The following PPM1H variants were observed in gnomAD, a reference collection of about 807,000 sequenced individuals.
The protein encoded by PPM1H is protein phosphatase, Mg2+/Mn2+ dependent 1H, also known as protein phosphatase 1H.
A neutral mutation model predicts 54.9 loss-of-function variants in PPM1H; 27 were observed. That is an observed-to-expected ratio of 0.49 (90% CI 0.36 to 0.68). The LOEUF (loss-of-function observed/expected upper bound fraction) is 0.68. Among genes scored for constraint, PPM1H ranks in the 30% least tolerant of loss-of-function variants. The pLI is 0.00. For synonymous variants in PPM1H, 305 were observed against 270.8 expected, an observed-to-expected ratio of 1.13 and a Z score of -1.24; for missense variants, 596 against 667.8, an observed-to-expected ratio of 0.89 and a Z score of 1.19.
intron 4 of PPM1H, among the ~76,000 whole-genome samples, chr12:62,784,556 C>T (rs1483895739): frequency 1.3e-5 from 2 of 152,200 alleles, no homozygotes; most frequent in African/African-American, 4.8e-5. Context: ...CAGCTAATAT[C>T]TAGCAATAAA....
At chr12:62,829,157 C>T (rs569048106) in intron 2 of PPM1H, among the ~76,000 whole-genome samples, 7 of 152,274 alleles carry the variant, frequency 4.6e-5, no homozygotes, top group South Asian at 2.1e-4. Context: ...CCTATGTTCA[C>T]GACAGCATTA....
chr12:62,658,906 C>A, intron 9 of PPM1H: 1 of 663,538 alleles, frequency 1.5e-6, no homozygotes, highest in South Asian at 1.4e-5. Flanking sequence ...ACCAATATGT[C>A]AAAATTAAGC....
chr12:62,832,335 T>C (rs1409983087), intron 1 of PPM1H, 56 bp from the exon 2 acceptor site: 1 of 1,527,184 alleles, frequency 6.5e-7, no homozygotes, highest in Non-Finnish European at 8.9e-7. Flanking sequence ...GAGGGCACAG[T>C]CCCTTGTCAA....
intron 3 of PPM1H, among the ~76,000 whole-genome samples, chr12:62,790,557 GCGAGACCCTGT>G (rs1438779382): frequency 6.6e-6 from 1 of 152,164 alleles, no homozygotes; most frequent in Non-Finnish European, 1.5e-5. Flanking sequence ...GGGTGACAGA[GCGAGACCCTGT>G]CTCAAAAACA....
chr12:62,662,525 A>G (rs1485610970), intron 9 of PPM1H, among the ~76,000 whole-genome samples: 1 of 152,216 alleles, frequency 6.6e-6, no homozygotes, highest in African/African-American at 2.4e-5. Flanking sequence ...AGTGCTTATT[A>G]TCTATTAGGC....
At chr12:62,659,353 T>C (rs190278998) in intron 9 of PPM1H, 1 of 442,528 alleles carries the variant, frequency 2.3e-6, no homozygotes, top group African/African-American at 2.0e-5. Context: ...AATTTTCTGG[T>C]TCCTTTGTTG....
chr12:62,816,854 C>T (rs1028486857), intron 2 of PPM1H, among the ~76,000 whole-genome samples: 1 of 151,596 alleles, frequency 6.6e-6, no homozygotes, highest in Non-Finnish European at 1.5e-5. Context: ...TCCATCTCAA[C>T]ATGATTTATT....
chr12:62,733,644 A>G (rs2076335494), intron 5 of PPM1H, among the ~76,000 whole-genome samples: 1 of 152,190 alleles, frequency 6.6e-6, no homozygotes, highest in African/African-American at 2.4e-5. Context: ...ATTTTATGCT[A>G]TGAATATTCT....
chr12:62,693,356 T>C lies in PPM1H; in HGVS notation c.1137+580A>G, dbSNP rs145620971. Among the ~76,000 whole-genome samples, 8 of 152,344 alleles carry C rather than the reference T, an allele frequency of 5.3e-5. No homozygotes were observed. In the East Asian group the frequency reaches 1.4e-3, roughly 26 times the overall value. On this transcript the variant is annotated intron_variant, in intron 7 of 9. Coordinates refer to ENST00000228705, the MANE Select transcript of PPM1H (RefSeq NM_020700.2). ...TTATCTTAGTCTGGACTCTGGTTGC[T>C]GTGACCTTATAGTCTAATTACAGTG...
intron 1 of PPM1H, among the ~76,000 whole-genome samples, chr12:62,869,988 C>T (rs529217080): frequency 6.6e-6 from 1 of 152,120 alleles, no homozygotes; most frequent in Non-Finnish European, 1.5e-5. Context: ...TTTAGATGCT[C>T]CCAGTACCCA....
At chr12:62,739,072 A>T (rs979100373) in intron 4 of PPM1H, among the ~76,000 whole-genome samples, 7 of 148,682 alleles carry the variant, frequency 4.7e-5, no homozygotes, top group Non-Finnish European at 7.5e-5. Context: ...AGAACTTATG[A>T]CTCTAGGAAA....
At chr12:62,770,011 C>G (rs181558683) in intron 4 of PPM1H, among the ~76,000 whole-genome samples, 1 of 151,480 alleles carries the variant, frequency 6.6e-6, no homozygotes, top group Non-Finnish European at 1.5e-5. Context: ...GATATTTAAC[C>G]TTTTATCTGC....
chr12:62,683,164 C>T (rs777843915), intron 8 of PPM1H, among the ~76,000 whole-genome samples: 33 of 151,368 alleles, frequency 2.2e-4, no homozygotes, highest in Non-Finnish European at 4.7e-4. Context: ...CTCGCCTTGG[C>T]CTCCCAAAGT....
intron 7 of PPM1H, among the ~76,000 whole-genome samples, chr12:62,690,500 C>G (rs1213754473): frequency 1.3e-5 from 2 of 152,156 alleles, no homozygotes; most frequent in Non-Finnish European, 2.9e-5. Context: ...GAGACCTCAT[C>G]CTGAACTGTT....
intron 1 of PPM1H, among the ~76,000 whole-genome samples, chr12:62,922,987 T>G (rs1871849694): frequency 6.6e-6 from 1 of 152,206 alleles, no homozygotes. Flanking sequence ...TTTGACCCCA[T>G]GTGAAGCTCA....
At chr12:62,710,613 G>A (rs909100572) in intron 6 of PPM1H, among the ~76,000 whole-genome samples, 1 of 151,720 alleles carries the variant, frequency 6.6e-6, no homozygotes, top group Admixed American at 6.6e-5. Flanking sequence ...GGCTGGCAAC[G>A]GGCTTCCTGG....
chr12:62,886,893 T>A (rs537527054), intron 1 of PPM1H, among the ~76,000 whole-genome samples: 1 of 152,346 alleles, frequency 6.6e-6, no homozygotes, highest in South Asian at 2.1e-4. Context: ...GGAATCATGT[T>A]GGCATTTAGA....
intron 2 of PPM1H, among the ~76,000 whole-genome samples, chr12:62,827,422 A>T (rs974898931): frequency 2.0e-5 from 3 of 152,086 alleles, no homozygotes; most frequent in Admixed American, 1.3e-4. Flanking sequence ...TTTCTGCATG[A>T]GCCTCCTAAC....
At position 62,689,801 on chromosome 12, in the gene PPM1H, C is replaced by G; in HGVS notation, c.1143G>C (p.Arg381=). ...PLIYGEGKKA[R]VMATIGVTRG... ...TGGTCACTCCAATAGTTGCCATTAC[C>G]CGGGCCTAGGAGTATAAGCAGAGGG... The change falls in exon 8 of 10, where the codon CGG becomes CGC. Residue 381 remains arginine (R), a synonymous_variant. Transcript: ENST00000228705. 6.2e-7 allele frequency: 1 copy of G among 1,611,630 alleles called. No individual in the cohort carries two copies. Among genetic ancestry groups the G allele is most frequent in the Non-Finnish European group, 8.5e-7 (1 of 1,178,604 alleles).
Sources: gnomAD v4.1 joint callset for allele counts (sites outside exome capture counted in the v4.1 genomes callset) on GRCh38, gnomAD v4.1.1 for gene constraint, MANE v1.5 for transcripts, NCBI Gene and HGNC (gene_info 2026-07-23, HGNC 2026-07-21) for gene names.